Variants in USP32 observed in about 807,000 individuals in gnomAD.
USP32 encodes ubiquitin specific peptidase 32, also known as ubiquitin carboxyl-terminal hydrolase 32.
USP32 carries 59 observed loss-of-function variants against 204.8 expected under a neutral mutation model. The ratio of observed to expected loss-of-function variants is 0.29; its 90% confidence interval spans 0.23 to 0.36. The LOEUF is 0.36. Ranked by LOEUF, USP32 falls within the 10% of genes least tolerant of loss-of-function variation. The pLI is 1.00. For missense variants in USP32, 1,160 were observed against 1,946.4 expected, an observed-to-expected ratio of 0.60 and a Z score of 7.60; for synonymous variants, 517 against 678.4, an observed-to-expected ratio of 0.76 and a Z score of 3.70.
At chr17:60,267,722 T>C (rs956184270) in intron 7 of USP32, among the ~76,000 whole-genome samples, 1 of 152,070 alleles carries the variant, frequency 6.6e-6, no homozygotes, top group Non-Finnish European at 1.5e-5. Flanking sequence ...GGTTTCACCA[T>C]ATTGGCCAGG....
chr17:60,267,468 A>T (rs190752047), intron 7 of USP32, among the ~76,000 whole-genome samples: 30 of 152,298 alleles, frequency 2.0e-4, no homozygotes, highest in African/African-American at 7.0e-4. Context: ...CTTCCATGTT[A>T]CCTTTCCAGT....
At chr17:60,332,933 C>A (rs919603560) in intron 2 of USP32, among the ~76,000 whole-genome samples, 1 of 152,160 alleles carries the variant, frequency 6.6e-6, no homozygotes, top group South Asian at 2.1e-4. Context: ...AAAAGAAAAT[C>A]CTCATTGTGA....
intron 1 of USP32, among the ~76,000 whole-genome samples, chr17:60,372,894 C>G (rs2089468082): frequency 1.3e-5 from 2 of 150,126 alleles, no homozygotes; most frequent in Admixed American, 1.3e-4. Context: ...CTAGGCTGGG[C>G]TTGGTGACTC....
At chr17:60,392,275 G>A (rs999643366), upstream of USP32, 2 of 379,652 alleles carry the variant, frequency 5.3e-6, no homozygotes, top group Non-Finnish European at 9.6e-6. Flanking sequence ...CGGGACCCGA[G>A]GCCAGACACT....
intron 1 of USP32, among the ~76,000 whole-genome samples, chr17:60,352,384 C>T (rs1279126796): frequency 1.3e-5 from 2 of 152,064 alleles, no homozygotes; most frequent in African/African-American, 4.8e-5. Flanking sequence ...GTAAGGATGG[C>T]GAGGTCAAAA....
intron 1 of USP32, among the ~76,000 whole-genome samples, chr17:60,376,112 C>T (rs979057189): frequency 1.3e-5 from 2 of 152,084 alleles, no homozygotes; most frequent in African/African-American, 4.8e-5. Context: ...GTGGCACAAT[C>T]ATGGCTCACT....
intron 1 of USP32, among the ~76,000 whole-genome samples, chr17:60,382,268 C>G (rs2089658555): frequency 6.6e-6 from 1 of 152,218 alleles, no homozygotes; most frequent in Non-Finnish European, 1.5e-5. Flanking sequence ...GATCCCAGTG[C>G]TTTGGGAGGC....
At chr17:60,270,410 C>T (rs2086695404) in intron 6 of USP32, among the ~76,000 whole-genome samples, 1 of 152,186 alleles carries the variant, frequency 6.6e-6, no homozygotes, top group South Asian at 2.1e-4. Context: ...GAGAAAATTA[C>T]ATGATTTGCC....
At chr17:60,367,415 G>A (rs1161564486) in intron 1 of USP32, among the ~76,000 whole-genome samples, 2 of 152,114 alleles carry the variant, frequency 1.3e-5, no homozygotes, top group Admixed American at 1.3e-4. Context: ...GGGCTGAGGT[G>A]GGAGGATCAC....
chr17:60,406,758 C>A (rs1022178271), intron 1 of USP32, among the ~76,000 whole-genome samples: 3 of 152,202 alleles, frequency 2.0e-5, no homozygotes, highest in Non-Finnish European at 2.9e-5. Context: ...TCGTGATCCA[C>A]CTGCCTCAGC....
At position 60,375,521 on chromosome 17, in the gene USP32, T is replaced by G. The variant is rs186447429; in HGVS notation, c.58+16361A>C. Among the ~76,000 whole-genome samples, 41 of 152,346 alleles carry G rather than the reference T, an allele frequency of 2.7e-4. No homozygotes were observed. In the East Asian group the frequency reaches 5.4e-3, roughly 20 times the overall value. On this transcript the variant is annotated intron_variant, in intron 1 of 33. Coordinates refer to ENST00000300896, the MANE Select transcript of USP32 (RefSeq NM_032582.4). ...TCACTATAAAACCAAACACGTCATA[T>G]ATGCACACCCATGAAGTGTACAAAC...
chr17:60,336,708 T>C (rs2088529593), intron 2 of USP32, among the ~76,000 whole-genome samples: 1 of 123,166 alleles, frequency 8.1e-6, no homozygotes, highest in Non-Finnish European at 1.6e-5. Context: ...AGAGCGAGAC[T>C]CCATCTCAAA....
At position 60,271,383 on chromosome 17, in the gene USP32, C is replaced by T. The variant is rs371069109; in HGVS notation, c.670G>A (p.Val224Ile). Residue 224 changes from valine to isoleucine, a missense_variant, in exon 6 of 34, where the codon GTT (valine) becomes ATT (isoleucine). Physicochemically the swap from Val to Ile is conservative, Grantham distance 29 (BLOSUM62 3). Transcript: ENST00000300896. Reference protein sequence around the residue: ...RFDLETFGPLVSPPIRPSLSE... With the variant: ...RFDLETFGPLISPPIRPSLSE... ...AGAGATGGACGAATAGGTGGTGAAA[C>T]CAATGGGCCAAATGTCTCTAAATCA... 1 of 1,614,022 alleles carries T rather than the reference C, an allele frequency of 6.2e-7. No individual in the cohort carries two copies. The highest frequency in any genetic ancestry group is 2.2e-5 in the East Asian group (1 of 44,858).
At chr17:60,266,594 T>G (rs1251591705) in intron 7 of USP32, among the ~76,000 whole-genome samples, 3 of 151,760 alleles carry the variant, frequency 2.0e-5, no homozygotes, top group Non-Finnish European at 4.4e-5. Flanking sequence ...GTTCAAGTAA[T>G]TCTCCTGCCT....
intron 1 of USP32, among the ~76,000 whole-genome samples, chr17:60,411,602 T>C (rs2090018923): frequency 1.4e-5 from 2 of 141,642 alleles, no homozygotes; most frequent in South Asian, 4.7e-4. Flanking sequence ...CTCAAACTAA[T>C]GGGCTCAAGT....
At chr17:60,407,836 G>A (rs886380299) in intron 1 of USP32, among the ~76,000 whole-genome samples, 8 of 143,446 alleles carry the variant, frequency 5.6e-5, no homozygotes, top group African/African-American at 2.1e-4. Flanking sequence ...AGTGGCTCAC[G>A]CATGTAATTC....
At chr17:60,421,602 C>T (rs2090114826) in intron 1 of USP32, 2 of 982,136 alleles carry the variant, frequency 2.0e-6, no homozygotes, top group African/African-American at 1.7e-5. Flanking sequence ...GCGGGGGCAA[C>T]GGTCTCTCGT....
intron 5 of USP32, among the ~76,000 whole-genome samples, chr17:60,277,918 C>CT (rs11422765): frequency 0.16 from 21,535 of 132,636 alleles, 3,546 homozygotes; most frequent in African/African-American, 0.41. Flanking sequence ...ATAATAGTTC[C>CT]TTTTTTTTTT....
At chr17:60,251,285 T>A (rs115932254) in intron 11 of USP32, among the ~76,000 whole-genome samples, 3,523 of 151,760 alleles carry the variant, frequency 0.023, 145 homozygotes, top group African/African-American at 0.078. Context: ...AAAAAAAAAA[T>A]AATAATAATA....
Sources: allele counts gnomAD v4.1 joint callset (sites outside exome capture counted in the v4.1 genomes callset), GRCh38; gene constraint gnomAD v4.1.1; transcripts MANE v1.5; gene names NCBI Gene and HGNC (gene_info 2026-07-23, HGNC 2026-07-21).